Variants in GAD2 observed in about 807,000 individuals in gnomAD.
The protein encoded by GAD2 is glutamate decarboxylase 2.
GAD2 carries 22 observed loss-of-function variants against 80.1 expected under a neutral mutation model. The ratio of observed to expected loss-of-function variants is 0.27; its 90% CI spans 0.20 to 0.39. The LOEUF is 0.39. Among genes scored for constraint, GAD2 ranks in the 10% least tolerant of loss-of-function variants. GAD2 has a pLI of 1.00. For missense variants in GAD2, 624 were observed against 738.4 expected (o/e 0.85, Z 1.80); for synonymous variants, 274 against 256.9 (o/e 1.07, Z -0.64).
chr10:26,281,008 G>A lies in GAD2; in HGVS notation c.1158-1G>A. The A allele has an allele frequency of 6.2e-7, 1 of 1,613,212 alleles. No homozygotes were observed. Among genetic ancestry groups the A allele is most frequent in the Non-Finnish European group, 8.5e-7 (1 of 1,179,318 alleles). ...CCGCTTATGTGATTTCTTTATTTTAGGGCCAACTCTGTGACGTGGAATCCA... is the reference window on the plus strand; with the variant it reads ...CCGCTTATGTGATTTCTTTATTTTAAGGCCAACTCTGTGACGTGGAATCCA... On this transcript the variant is annotated splice_acceptor_variant, in intron 11 of 15. Coordinates refer to ENST00000376261, the MANE Select transcript of GAD2 (RefSeq NM_001134366.2). LOFTEE classifies it high-confidence loss of function.
At chr10:26,259,356 C>G (rs893494658) in intron 8 of GAD2, among the ~76,000 whole-genome samples, 12 of 152,148 alleles carry the variant, frequency 7.9e-5, no homozygotes, top group African/African-American at 2.9e-4. Context: ...ATCCTCACCA[C>G]CACTTGTTAT....
At chr10:26,255,705 G>A (rs530570187) in intron 8 of GAD2, among the ~76,000 whole-genome samples, 4 of 148,222 alleles carry the variant, frequency 2.7e-5, no homozygotes, top group African/African-American at 7.9e-5. Context: ...AATGAAGAAA[G>A]GAAGGAAGGA....
At chr10:26,222,350 C>T (rs1233713345) in intron 4 of GAD2, among the ~76,000 whole-genome samples, 1 of 151,958 alleles carries the variant, frequency 6.6e-6, no homozygotes, top group Non-Finnish European at 1.5e-5. Context: ...ACACCACATT[C>T]ATCCAGAAAA....
Position 26,301,051 on chromosome 10 carries a change from T to C in GAD2, c.*90T>C. 1.8e-6 allele frequency: 2 copies of C among 1,137,186 alleles called. No individual in the cohort carries two copies. The highest frequency in any genetic ancestry group is 3.8e-5 in the Admixed American group (2 of 51,966). 70.4% of individuals were successfully genotyped at this position (1,137,186 alleles called of 1,614,324 possible). A position where few individuals can be genotyped will look rare whatever the true frequency, so the allele number is the denominator to read the frequency against. On this transcript the variant is annotated 3_prime_UTR_variant, in exon 16 of 16. Transcript: ENST00000376261. ...AATGTATTTGTAGTTTGTTCCAAAG[T>C]AAATCTATTTCTATATTGTGGTGTC...
At chr10:26,248,175 A>G (rs1844833147) in intron 8 of GAD2, among the ~76,000 whole-genome samples, 1 of 152,218 alleles carries the variant, frequency 6.6e-6, no homozygotes, top group African/African-American at 2.4e-5. Context: ...AGTTACAGGC[A>G]AATTGCAAAT....
intron 5 of GAD2, among the ~76,000 whole-genome samples, 178 bp downstream of exon 5, chr10:26,224,155 A>G (rs894482534): frequency 1.2e-4 from 19 of 152,070 alleles, no homozygotes; most frequent in African/African-American, 4.3e-4. Flanking sequence ...TACATCTTCC[A>G]TGTAATCAAA....
chr10:26,272,836 C>T (rs1845151823), intron 10 of GAD2, among the ~76,000 whole-genome samples: 1 of 152,144 alleles, frequency 6.6e-6, no homozygotes, highest in South Asian at 2.1e-4. Context: ...TGCACTCCAG[C>T]CTGGGCAACA....
chr10:26,258,743 G>A (rs777665950), intron 8 of GAD2, among the ~76,000 whole-genome samples: 14 of 151,776 alleles, frequency 9.2e-5, no homozygotes, highest in Non-Finnish European at 1.8e-4. Flanking sequence ...ATATTCCATC[G>A]TATGTGTAGA....
rs1296061527 is a variant in GAD2, at chr10:26,251,173, T to C, written c.920+5173T>C. Among the ~76,000 whole-genome samples, 4 of 151,562 alleles carry C rather than the reference T, an allele frequency of 2.6e-5. No individual in the cohort carries two copies. In the East Asian group the frequency reaches 7.7e-4, roughly 29 times the overall value. ...TCGGCCTCCCAAAGTGCTAGGATTA[T>C]AGGCGTGCACCACCATGCCCAGCCT... On this transcript the variant is annotated intron_variant, in intron 8 of 15. Transcript: ENST00000376261.
intron 13 of GAD2, among the ~76,000 whole-genome samples, chr10:26,289,706 C>T (rs1367743836): frequency 2.6e-5 from 4 of 151,852 alleles, no homozygotes; most frequent in South Asian, 2.1e-4. Context: ...ATGATTATTT[C>T]CCAATGTTGA....
chr10:26,297,652 A>G (rs1372919699), intron 15 of GAD2, among the ~76,000 whole-genome samples: 1 of 152,236 alleles, frequency 6.6e-6, no homozygotes, highest in Non-Finnish European at 1.5e-5. Context: ...ATCTCTATGT[A>G]TTTCATCCAA....
chr10:26,284,353 C>T lies in GAD2; in HGVS notation c.1237-1992C>T, dbSNP rs550919969. ...TCTAAGAAGAAAGACTAGATGATATCGAGTTTCCTAAATTTATTTGAGCAC... is the reference window on the plus strand; with the variant it reads ...TCTAAGAAGAAAGACTAGATGATATTGAGTTTCCTAAATTTATTTGAGCAC... On this transcript the variant is annotated intron_variant, in intron 12 of 15. Coordinates refer to ENST00000376261, the MANE Select transcript of GAD2 (RefSeq NM_001134366.2). 2.9e-4 allele frequency among the ~76,000 whole-genome samples: 44 copies of T among 152,200 alleles called. 1 individual carries two copies. In the East Asian group the frequency reaches 6.6e-3, roughly 23 times the overall value.
At position 26,218,063 on chromosome 10, in the gene GAD2, G is replaced by A. The variant is rs1844403403; in HGVS notation, c.286+72G>A. 4.7e-6 allele frequency: 7 copies of A among 1,479,316 alleles called. No homozygotes were observed. In the Admixed American group the frequency reaches 1.6e-4, roughly 34 times the overall value. The allele number at this position is 1,479,316 out of a possible 1,614,324, so 91.6% of individuals were successfully genotyped here. On this transcript the variant is annotated intron_variant, in intron 3 of 15. Coordinates refer to ENST00000376261, the MANE Select transcript of GAD2 (RefSeq NM_001134366.2). ...GCCCCGCCCACCGCGGCCGGTGCGG[G>A]TCCGGCGCTGAGAGCCGGACAGGGG...
In GAD2 at chr10:26,217,424, C is replaced by T. The variant is rs1162427983; in HGVS notation, c.77-186C>T. Among the ~76,000 whole-genome samples the T allele has an allele frequency of 6.6e-6, 1 of 152,130 alleles. No homozygotes were observed. Among genetic ancestry groups the T allele is most frequent in the South Asian group, 2.1e-4 (1 of 4,832 alleles). On this transcript the variant is annotated intron_variant, in intron 1 of 15. Transcript: ENST00000376261. The surrounding 1 kb of genome is among the most constrained non-coding windows in gnomAD (Gnocchi z 4.9). ...CAGATAAAGGAAATGAGGGCTGGCC[C>T]GGGCCGCCAGCCTCCCGCTTGCCTT...
At chr10:26,268,063 T>G (rs1326381482) in intron 8 of GAD2, among the ~76,000 whole-genome samples, 2 of 152,322 alleles carry the variant, frequency 1.3e-5, no homozygotes, top group African/African-American at 4.8e-5. Flanking sequence ...ATTGTGATAA[T>G]CACCTCTACC....
intron 4 of GAD2, among the ~76,000 whole-genome samples, chr10:26,221,993 C>T (rs1844458373): frequency 6.6e-6 from 1 of 152,180 alleles, no homozygotes; most frequent in African/African-American, 2.4e-5. Flanking sequence ...AGGATGGGAG[C>T]AAATGTCACT....
chr10:26,226,327 C>T (rs7080693), intron 6 of GAD2, among the ~76,000 whole-genome samples: 23,251 of 152,180 alleles, frequency 0.15, 5,865 homozygotes, highest in African/African-American at 0.52. Flanking sequence ...TCCACCCTCA[C>T]TGATAATGGG....
Position 26,273,646 on chromosome 10 carries a change from G to A in GAD2, c.1103G>A (p.Gly368Asp). The A allele has an allele frequency of 6.2e-7, 1 of 1,613,656 alleles. No individual in the cohort carries two copies. Among genetic ancestry groups the A allele is most frequent in the South Asian group, 1.1e-5 (1 of 90,980 alleles). ...ATGATTTTTTTTCAGGCAGCTTGGG[G>A]TGGGGGATTACTGATGTCCCGAAAA... is the stretch of plus-strand genomic sequence containing the variant. ...KIWMHVDAAW[G>D]GGLLMSRKHK... The change falls in exon 11 of 16, where the codon GGT (glycine) becomes GAT (aspartate). Residue 368 changes from glycine (G) to aspartate (D), a missense_variant. Gly to Asp is a moderately conservative substitution (Grantham distance 94). Transcript: ENST00000376261.
At chr10:26,285,095 G>T (rs1012404139) in intron 12 of GAD2, among the ~76,000 whole-genome samples, 2 of 152,118 alleles carry the variant, frequency 1.3e-5, no homozygotes, top group African/African-American at 4.8e-5. Context: ...GTCTTCAAGT[G>T]AATTTTCTTT....
Sources: allele counts gnomAD v4.1 joint callset (sites outside exome capture counted in the v4.1 genomes callset), GRCh38; gene constraint gnomAD v4.1.1; non-coding constraint Gnocchi (gnomAD v3.1); transcripts MANE v1.5; gene names NCBI Gene and HGNC (gene_info 2026-07-23, HGNC 2026-07-21).